The following ZBTB37 variants were observed in gnomAD, a reference collection of about 807,000 sequenced individuals.
ZBTB37 encodes the protein zinc finger and BTB domain-containing protein 37.
A neutral mutation model predicts 37.7 loss-of-function variants in ZBTB37; 15 were observed. The ratio of observed to expected loss-of-function variants is 0.40; its 90% CI spans 0.27 to 0.61. The LOEUF is 0.61. Among genes scored for constraint, ZBTB37 ranks in the 20% least tolerant of loss-of-function variants. The pLI, the probability that ZBTB37 is intolerant of heterozygous loss-of-function variation, is 0.44. For missense variants in ZBTB37, 514 were observed against 641.9 expected (o/e 0.80, Z 2.15); for synonymous variants, 231 against 220.6 (o/e 1.05, Z -0.42).
At chr1:173,894,382 A>T (rs1439957828) in exon 4 of ZBTB37, 1 of 152,174 alleles carries the variant, frequency 6.6e-6, no homozygotes, top group African/African-American at 2.4e-5. Flanking sequence ...ACCTGGTGGT[A>T]TTCAGCAGGT....
intron 4 of ZBTB37, among the ~76,000 whole-genome samples, chr1:173,875,157 TGTGC>T (rs1369446510): frequency 2.9e-5 from 4 of 139,824 alleles, no homozygotes; most frequent in Non-Finnish European, 4.7e-5. Context: ...TGTGTGTGTG[TGTGC>T]ACGTGTGTAC....
At chr1:173,887,243 A>G (rs1329680043), downstream of ZBTB37, 1 of 152,192 alleles carries the variant, frequency 6.6e-6, no homozygotes, top group Non-Finnish European at 1.5e-5. Context: ...ATTTCCTTAT[A>G]CATATGTAAT....
At chr1:173,875,224 A>T (rs946500542) in intron 4 of ZBTB37, among the ~76,000 whole-genome samples, 6 of 149,992 alleles carry the variant, frequency 4.0e-5, no homozygotes, top group Non-Finnish European at 7.4e-5. Context: ...GTATGCACAC[A>T]CTATATATAC....
intron 4 of ZBTB37, among the ~76,000 whole-genome samples, chr1:173,876,658 G>A (rs1008538910): frequency 1.3e-5 from 2 of 152,154 alleles, no homozygotes; most frequent in African/African-American, 4.8e-5. Flanking sequence ...TATAGTAATA[G>A]CCGTAAGACA....
chr1:173,897,660 C>T (rs991915283), exon 4 of ZBTB37: 19 of 152,208 alleles, frequency 1.2e-4, no homozygotes, highest in African/African-American at 4.6e-4. Context: ...GAATATCCTA[C>T]CTCCCACTAG....
At chr1:173,899,201 T>C (rs993913192) in exon 4 of ZBTB37, 3 of 152,222 alleles carry the variant, frequency 2.0e-5, no homozygotes, top group Non-Finnish European at 4.4e-5. Context: ...GACTATTTTT[T>C]TTTTTCTACC....
chr1:173,889,876 T>G (rs1049157597), downstream of ZBTB37: 1 of 152,226 alleles, frequency 6.6e-6, no homozygotes, highest in African/African-American at 2.4e-5. Context: ...TTTTTGTCAT[T>G]TTTTAAATGT....
At chr1:173,872,910 G>A (rs1383846912) in intron 3 of ZBTB37, among the ~76,000 whole-genome samples, 1 of 151,996 alleles carries the variant, frequency 6.6e-6, no homozygotes, top group Non-Finnish European at 1.5e-5. Context: ...GGCCAGCTGA[G>A]GCAGGAGAAT....
At chr1:173,874,594 G>T (rs906332961) in intron 4 of ZBTB37, among the ~76,000 whole-genome samples, 2 of 152,016 alleles carry the variant, frequency 1.3e-5, no homozygotes, top group South Asian at 2.1e-4. Context: ...CTCATGATCC[G>T]CCTGCCTCGG....
exon 4 of ZBTB37, chr1:173,897,687 A>G (rs1276400975): frequency 6.6e-6 from 1 of 152,224 alleles, no homozygotes; most frequent in Non-Finnish European, 1.5e-5. Flanking sequence ...AGCATATTCA[A>G]GATTGCTCTG....
exon 5 of ZBTB37, chr1:173,886,227 AG>A: frequency 1.4e-6 from 2 of 1,449,814 alleles, no homozygotes; most frequent in African/African-American, 2.9e-5. Context: ...CCACATCACT[AG>A]GCCAGAAGAT....
chr1:173,889,301 G>A (rs1210552545), downstream of ZBTB37: 1 of 152,208 alleles, frequency 6.6e-6, no homozygotes, highest in Admixed American at 6.5e-5. Context: ...AGCTATTGGT[G>A]TATGCACAGA....
intron 4 of ZBTB37, 23 bp from the exon 5 acceptor site, chr1:173,885,613 G>T (rs984494845): frequency 5.3e-5 from 80 of 1,515,606 alleles, no homozygotes; most frequent in Non-Finnish European, 6.6e-5. Flanking sequence ...TTCTTTCTTG[G>T]TTATTTTCCT....
At chr1:173,882,602 T>C (rs1656398363) in intron 4 of ZBTB37, among the ~76,000 whole-genome samples, 1 of 152,234 alleles carries the variant, frequency 6.6e-6, no homozygotes, top group Admixed American at 6.5e-5. Context: ...GTTTGTCTAT[T>C]TTGGCTTTTG....
chr1:173,882,105 G>A (rs1363104062), intron 4 of ZBTB37, among the ~76,000 whole-genome samples: 7 of 151,554 alleles, frequency 4.6e-5, no homozygotes, highest in Non-Finnish European at 1.0e-4. Context: ...TTTTTGCTGG[G>A]GTTGTTTGAT....
At chr1:173,885,611 T>C (rs959487757) in intron 4 of ZBTB37, 25 bp from the exon 5 acceptor site, 3 of 1,509,498 alleles carry the variant, frequency 2.0e-6, no homozygotes, top group Middle Eastern at 1.7e-4. Flanking sequence ...TGTTCTTTCT[T>C]GGTTATTTTC....
exon 5 of ZBTB37, chr1:173,886,297 C>T (rs1656619476): frequency 4.9e-6 from 5 of 1,021,016 alleles, no homozygotes; most frequent in East Asian, 2.7e-5. Context: ...ACTAAAGGCT[C>T]CTCCCTTCTT....
downstream of ZBTB37, chr1:173,891,598 G>A (rs941667180): frequency 6.6e-6 from 1 of 152,074 alleles, no homozygotes; most frequent in Admixed American, 6.5e-5. Context: ...CTCGATGTGG[G>A]AAAAATGGGA....
exon 4 of ZBTB37, chr1:173,893,324 T>TG (rs1656920470): frequency 6.6e-6 from 1 of 152,246 alleles, no homozygotes; most frequent in Non-Finnish European, 1.5e-5. Flanking sequence ...CATGGGAACA[T>TG]GTTTCCTCTT....
Sources: allele counts gnomAD v4.1 joint callset (sites outside exome capture counted in the v4.1 genomes callset), GRCh38; gene constraint gnomAD v4.1.1; transcripts MANE v1.5; gene names NCBI Gene and HGNC (gene_info 2026-07-23, HGNC 2026-07-21).